The following SLC4A3 variants were observed in gnomAD, a reference collection of about 807,000 sequenced individuals.
SLC4A3 encodes anion exchange protein 3.
Under a neutral mutation model 114.2 loss-of-function variants are expected in SLC4A3, and 47 were observed. That is an observed-to-expected ratio of 0.41 (90% confidence interval 0.33 to 0.52). The LOEUF (loss-of-function observed/expected upper bound fraction) is 0.52, where lower values mean the gene tolerates loss of function less well. Ranked by LOEUF, SLC4A3 falls within the 20% of genes least tolerant of loss-of-function variation. The pLI is 0.21. For synonymous variants in SLC4A3, 693 were observed against 710.3 expected (o/e 0.98, Z 0.39); for missense variants, 1,312 against 1,668.3 (o/e 0.79, Z 3.72).
In SLC4A3 at chr2:219,637,802, G is replaced by C. The variant is rs145199339; in HGVS notation, c.2757G>C (p.Leu919=). The C allele has an allele frequency of 5.1e-5, 82 of 1,612,776 alleles. No individual in the cohort carries two copies. The African/African-American group carries it at 9.3e-4, about 18-fold the overall frequency. Residue 919 remains leucine, a synonymous_variant, in exon 17 of 23, where the codon CTG becomes CTC. Coordinates refer to ENST00000358055, the MANE Select transcript of SLC4A3 (RefSeq NM_005070.4). This position sits in a 1 kb window ranked among gnomAD's most constrained non-coding sequence, Gnocchi z 4.6. ...GCAAGTTCAGGAACAGCCGCTTCCTGGGGGGCAAGGTGCGTGGCTGCTGGG... is the reference window on the plus strand; with the variant it reads ...GCAAGTTCAGGAACAGCCGCTTCCTCGGGGGCAAGGTGCGTGGCTGCTGGG... ...FLRKFRNSRF[L]GGKARRIIGD...
In SLC4A3 at chr2:219,632,095, G is replaced by C. The variant is rs1212096615; in HGVS notation, c.939G>C (p.Lys313Asn). ...PILRRKKKKK[K>N]LDRRPHEVFV... ...TTCGCAGGAAGAAGAAGAAGAAAAA[G>C]CTGGACCGGAGGCCTCATGAGGTCA... The change falls in exon 7 of 23, where the codon AAG (lysine) becomes AAC (asparagine). Residue 313 changes from lysine (K) to asparagine (N), a missense_variant. Physicochemically the swap from Lys to Asn is moderately conservative, Grantham distance 94 (BLOSUM62 0). Around this residue, in one of 4 missense-constraint regions of SLC4A3, gnomAD observed 771 missense variants for 977.7 expected, o/e 0.79. Transcript: ENST00000358055. The C allele has an allele frequency of 1.9e-6, 3 of 1,613,756 alleles. No homozygotes were observed. The highest frequency in any genetic ancestry group is 3.3e-5 in the Admixed American group (2 of 60,002).
Position 219,628,064 on chromosome 2 carries a change from C to CG in SLC4A3, c.51+26dup. 1 of 1,526,500 alleles carries CG rather than the reference C, an allele frequency of 6.6e-7. No individual in the cohort carries two copies. The highest frequency in any genetic ancestry group is 8.8e-7 in the Non-Finnish European group (1 of 1,134,684). 94.6% of individuals were successfully genotyped at this position (1,526,500 alleles called of 1,614,324 possible). Reference sequence around the variant, plus strand: ...CCCAGGTGATCGGCGCGCGCGGGGGCGGGGGAGAGATGGGGGAGGAGAGGG... The same window carrying CG: ...CCCAGGTGATCGGCGCGCGCGGGGGCGGGGGGAGAGATGGGGGAGGAGAGGG... On this transcript the variant is annotated intron_variant, in intron 2 of 22. Coordinates refer to ENST00000358055, the MANE Select transcript of SLC4A3 (RefSeq NM_005070.4). The surrounding 1 kb of genome is among the most constrained non-coding windows in gnomAD (Gnocchi z 4.8).
chr2:219,627,973 C>A lies in SLC4A3; in HGVS notation c.-20C>A, dbSNP rs1698774266. On this transcript the variant is annotated 5_prime_UTR_variant, in exon 2 of 23. Coordinates refer to ENST00000358055, the MANE Select transcript of SLC4A3 (RefSeq NM_005070.4). ...CGGGTCCCCTAGTGAGCGAGAGCGT[C>A]CCCAGCCGCCTACCTGGCCATGGCC... 4 of 1,600,592 alleles carry A rather than the reference C, an allele frequency of 2.5e-6. No individual in the cohort carries two copies. Among genetic ancestry groups the A allele is most frequent in the Admixed American group, 1.7e-5 (1 of 59,270 alleles).
rs373494156 is a variant in SLC4A3 at position 219,629,124 on chromosome 2, C to T, written c.218-20C>T. 2.8e-5 allele frequency: 44 copies of T among 1,553,090 alleles called. No homozygotes were observed. The highest frequency in any genetic ancestry group is 2.3e-4 in the South Asian group (19 of 82,656). ...CTGTTTCTGCTGTGGGGGCCTCAAC[C>T]GGATCTCCTGCACCCCCAGTTCACC... On this transcript the variant is annotated intron_variant, in intron 3 of 22. Coordinates refer to ENST00000358055, the MANE Select transcript of SLC4A3 (RefSeq NM_005070.4).
intron 10 of SLC4A3, 84 bp downstream of exon 10, chr2:219,633,541 G>A (rs1395403909): frequency 1.6e-6 from 2 of 1,219,924 alleles, no homozygotes; most frequent in African/African-American, 3.1e-5. Context: ...TCACTGAGTG[G>A]GTTGGGAAGG....
rs547401435 is a variant in SLC4A3 at position 219,636,393 on chromosome 2, G to A, written c.2283G>A (p.Pro761=). 18 of 1,613,114 alleles carry A rather than the reference G, an allele frequency of 1.1e-5. No individual in the cohort carries two copies. The African/African-American group carries it at 1.6e-4, about 14-fold the overall frequency. Residue 761 remains proline (P), a synonymous_variant, in exon 15 of 23, where the codon CCG becomes CCA. Transcript: ENST00000358055. The surrounding 1 kb of genome is among the most constrained non-coding windows in gnomAD (Gnocchi z 5.5). ...GVLFSLLGAQ[P]LLVVGFSGPL... is the part of the protein sequence containing the mutation. ...TCTTCTCTCTGCTGGGAGCTCAGCC[G>A]CTGCTTGTGGTTGGCTTCTCTGGGC...
intron 9 of SLC4A3, 75 bp from the exon 10 acceptor site, chr2:219,633,199 C>T: frequency 7.0e-7 from 1 of 1,428,474 alleles, no homozygotes; most frequent in South Asian, 1.3e-5. Context: ...AGGTCCTGAC[C>T]CTCCACTACT....
In SLC4A3 at chr2:219,637,617, C is replaced by A. The variant is rs750049751; in HGVS notation, c.2572C>A (p.Pro858Thr). ...TEHPLLPFYP[P>T]EGALEGSLDA... Reference sequence around the variant, plus strand: ...GCACCCACTGCTGCCGTTCTACCCCCCTGAGGGGGCCCTGGAGGGGTCCCT... The same window carrying A: ...GCACCCACTGCTGCCGTTCTACCCCACTGAGGGGGCCCTGGAGGGGTCCCT... Residue 858 changes from proline to threonine, a missense_variant, in exon 17 of 23, where the codon CCT becomes ACT. Transcript: ENST00000358055. The surrounding 1 kb of genome is among the most constrained non-coding windows in gnomAD (Gnocchi z 4.6). The A allele has an allele frequency of 3.7e-6, 6 of 1,611,370 alleles. No individual in the cohort carries two copies. The highest frequency in any genetic ancestry group is 4.2e-6 in the Non-Finnish European group (5 of 1,178,060).
chr2:219,632,555 C>T, intron 8 of SLC4A3, 113 bp downstream of exon 8: 3 of 1,255,748 alleles, frequency 2.4e-6, no homozygotes, highest in South Asian at 3.1e-5. Flanking sequence ...ATCCAACTGC[C>T]ACCTGGGACC....
Position 219,633,417 on chromosome 2 carries a change from A to G in SLC4A3, c.1421A>G (p.Glu474Gly). The G allele has an allele frequency of 6.4e-7, 1 of 1,572,474 alleles. No homozygotes were observed. The highest frequency in any genetic ancestry group is 8.6e-7 in the Non-Finnish European group (1 of 1,158,610). Residue 474 changes from glutamate to glycine, a missense_variant, in exon 10 of 23, where the codon GAG (glutamate) becomes GGG (glycine). By Grantham distance (98) the Glu-to-Gly change is moderately conservative (BLOSUM62 -2). Coordinates refer to ENST00000358055, the MANE Select transcript of SLC4A3 (RefSeq NM_005070.4). ...CCTACCATGGCTGATGACCTGGGGG[A>G]GCCAGCCCCACTCTGGCCACATGAC... Reference protein sequence around the residue: ...AVPTMADDLGEPAPLWPHDPD... With the variant: ...AVPTMADDLGGPAPLWPHDPD...
At position 219,635,678 on chromosome 2, in the gene SLC4A3, T is replaced by C; in HGVS notation, c.1978T>C (p.Ser660Pro). The change falls in exon 14 of 23, where the codon TCT (serine) becomes CCT (proline). Residue 660 changes from serine (S) to proline (P), a missense_variant. By Grantham distance (74) the Ser-to-Pro change is moderately conservative (BLOSUM62 -1). Around this residue, in one of 4 missense-constraint regions of SLC4A3, gnomAD observed 771 missense variants for 977.7 expected, o/e 0.79. Transcript: ENST00000358055. ...GCAGCCCCTTGTTCCCCCAGAACTGTCTTTGGAGTTGGGGGGCTCTGAGGC... is the reference window on the plus strand; with the variant it reads ...GCAGCCCCTTGTTCCCCCAGAACTGCCTTTGGAGTTGGGGGGCTCTGAGGC... ...GGYTAPGKELSLELGGSEATP... is the reference protein window; with the variant it reads ...GGYTAPGKELPLELGGSEATP... The C allele has an allele frequency of 1.3e-6, 2 of 1,583,220 alleles. No homozygotes were observed. The highest frequency in any genetic ancestry group is 1.7e-6 in the Non-Finnish European group (2 of 1,167,166).
In SLC4A3 at chr2:219,630,222, C is replaced by T. The variant is rs387907532; in HGVS notation, c.681C>T (p.Ala227=). 1 of 1,612,100 alleles carries T rather than the reference C, an allele frequency of 6.2e-7. No homozygotes were observed. The highest frequency in any genetic ancestry group is 1.7e-4 in the Middle Eastern group (1 of 5,910). The change falls in exon 6 of 23, where the codon GCC becomes GCT. Residue 227 remains alanine, a synonymous_variant. Transcript: ENST00000358055. The surrounding 1 kb of genome is among the most constrained non-coding windows in gnomAD (Gnocchi z 6.9). ...AAAGCCGGCCCTGGAGCCCATCGGC[C>T]AGTTATGACCTGCGGGAGCGACTGT... ...GEKSRPWSPS[A]SYDLRERLCP... is the part of the protein sequence containing the mutation.
At position 219,641,732 on chromosome 2, in the gene SLC4A3, T is replaced by G. The variant is rs1300530253; in HGVS notation, c.*4T>G. 6.2e-7 allele frequency: 1 copy of G among 1,612,194 alleles called. No individual in the cohort carries two copies. The highest frequency in any genetic ancestry group is 8.5e-7 in the Non-Finnish European group (1 of 1,178,276). ...TGAGCTGCACATGCCAGTGTGACCC[T>G]TGAAGACAGTGCCCCTCAGAGACCC... On this transcript the variant is annotated 3_prime_UTR_variant, in exon 23 of 23. Coordinates refer to ENST00000358055, the MANE Select transcript of SLC4A3 (RefSeq NM_005070.4). The surrounding 1 kb of genome is among the most constrained non-coding windows in gnomAD (Gnocchi z 4.0).
intron 10 of SLC4A3, 35 bp downstream of exon 10, chr2:219,633,492 TGA>T (rs1699010989): frequency 6.8e-7 from 1 of 1,480,376 alleles, no homozygotes; most frequent in East Asian, 2.4e-5. Flanking sequence ...GCCAGGGGAC[TGA>T]GAGGGTGTCC....
In SLC4A3 at chr2:219,638,931, G is replaced by A; in HGVS notation, c.3023+62G>A. On this transcript the variant is annotated intron_variant, in intron 19 of 22. Coordinates refer to ENST00000358055, the MANE Select transcript of SLC4A3 (RefSeq NM_005070.4). This position sits in a 1 kb window ranked among gnomAD's most constrained non-coding sequence, Gnocchi z 7.5. ...GCCAAGCTCCTTGGCTCCTTGGCTT[G>A]GTTTCAGGGTTATAGCAGGGACATC... is the stretch of plus-strand genomic sequence containing the variant. The A allele has an allele frequency of 6.4e-7, 1 of 1,560,936 alleles. No homozygotes were observed. The highest frequency in any genetic ancestry group is 1.1e-5 in the South Asian group (1 of 88,476).
chr2:219,633,856 C>T, intron 10 of SLC4A3, 24 bp from the exon 11 acceptor site: 4 of 1,552,264 alleles, frequency 2.6e-6, no homozygotes, highest in Non-Finnish European at 3.5e-6. Flanking sequence ...GGGTCCCAGC[C>T]CTATTCCAGT....
chr2:219,632,051 A>G lies in SLC4A3; in HGVS notation c.895A>G (p.Ser299Gly). 1 of 1,613,940 alleles carries G rather than the reference A, an allele frequency of 6.2e-7. No individual in the cohort carries two copies. The highest frequency in any genetic ancestry group is 8.5e-7 in the Non-Finnish European group (1 of 1,179,956). ...GACGCAGGGCGGGAGGGGCAGTCCC[A>G]GCGGCCTGGCCCCCATCCTTCGCAG... ...SRTQGGRGSP[S>G]GLAPILRRKK... The change falls in exon 7 of 23, where the codon AGC (serine) becomes GGC (glycine). Residue 299 changes from serine to glycine, a missense_variant. Transcript: ENST00000358055.
intron 9 of SLC4A3, 116 bp downstream of exon 9, chr2:219,633,125 A>G: frequency 7.0e-7 from 1 of 1,421,478 alleles, no homozygotes; most frequent in South Asian, 1.3e-5. Context: ...CAGAGAGCTC[A>G]TTTCTATCTT....
chr2:219,632,419 A>T lies in SLC4A3; in HGVS notation c.1118A>T (p.Glu373Val). 27 of 1,603,628 alleles carry T rather than the reference A, an allele frequency of 1.7e-5. No individual in the cohort carries two copies. Among genetic ancestry groups the T allele is most frequent in the Non-Finnish European group, 2.0e-5 (24 of 1,174,918 alleles). Residue 373 changes from glutamate to valine, a missense_variant, in exon 8 of 23, where the codon GAG becomes GTG. Coordinates refer to ENST00000358055, the MANE Select transcript of SLC4A3 (RefSeq NM_005070.4). The part of the protein sequence containing the change: ...VASLSFRSLL[E>V]LRRTIAHGAA... Reference sequence around the variant, plus strand: ...TCGCTCTCCTTCCGTAGCCTTCTGGAGCTCAGGAGGACCATCGCCCATGGT... The same window carrying T: ...TCGCTCTCCTTCCGTAGCCTTCTGGTGCTCAGGAGGACCATCGCCCATGGT...
Sources: gnomAD v4.1 joint callset for allele counts on GRCh38, gnomAD v4.1.1 for gene constraint, gnomAD v4.1.1 regional missense constraint, Gnocchi (gnomAD v3.1) non-coding constraint, MANE v1.5 for transcripts, NCBI Gene and HGNC (gene_info 2026-07-23, HGNC 2026-07-21) for gene names.